The following LIPE variants were observed in gnomAD, a reference collection of about 807,000 sequenced individuals.
The protein encoded by LIPE is lipase E, hormone sensitive type.
Under a neutral mutation model 88.5 loss-of-function variants are expected in LIPE, and 66 were observed. The observed-to-expected ratio is 0.75, with a 90% CI of 0.61 to 0.91. The LOEUF (loss-of-function observed/expected upper bound fraction) is 0.91. Among genes scored for constraint, LIPE ranks in the 40% least tolerant of loss-of-function variants. LIPE has a pLI of 0.00. For synonymous variants in LIPE, 570 were observed against 617.5 expected, an observed-to-expected ratio of 0.92 and a Z score of 1.14; for missense variants, 1,346 against 1,434.7, an observed-to-expected ratio of 0.94 and a Z score of 1.00.
intron 8 of LIPE, among the ~76,000 whole-genome samples, chr19:42,404,656 A>C (rs570810325): frequency 2.6e-5 from 4 of 152,252 alleles, no homozygotes; most frequent in African/African-American, 4.8e-5. Context: ...AAGCCACCAC[A>C]CCCAGCCTTA....
chr19:42,417,768 C>A (rs1465744123), intron 1 of LIPE, among the ~76,000 whole-genome samples: 1 of 152,068 alleles, frequency 6.6e-6, no homozygotes, highest in African/African-American at 2.4e-5. Context: ...TACTTATAAT[C>A]GCAGCACTTT....
chr19:42,409,202 A>G (rs1206034), intron 2 of LIPE, among the ~76,000 whole-genome samples: 116,340 of 151,658 alleles, frequency 0.77, 46,115 homozygotes, highest in East Asian at 1. Flanking sequence ...AGGACCAGCC[A>G]GCCACCACGG....
Position 42,412,298 on chromosome 19 carries a change from C to G in LIPE, c.884-1456G>C, listed in dbSNP as rs1434905915. 4.1e-6 allele frequency: 4 copies of G among 985,518 alleles called. No homozygotes were observed. In the African/African-American group the frequency reaches 7.0e-5, roughly 17 times the overall value. 61.0% of individuals were successfully genotyped at this position (985,518 alleles called of 1,614,324 possible). A position where few individuals can be genotyped will look rare whatever the true frequency, so the allele number is the denominator to read the frequency against. On this transcript the variant is annotated intron_variant, in intron 1 of 9. Transcript: ENST00000244289. Reference sequence around the variant, plus strand: ...CCTGTTCCCCTAGAAGAAGGTATTTCCTTTCCCTTCTAGGTCCTGGGGCCT... The same window carrying G: ...CCTGTTCCCCTAGAAGAAGGTATTTGCTTTCCCTTCTAGGTCCTGGGGCCT...
At position 42,408,643 on chromosome 19, in the gene LIPE, G is replaced by C. The variant is rs1379948712; in HGVS notation, c.1420-321C>G. Among the ~76,000 whole-genome samples, 1 of 151,824 alleles carries C rather than the reference G, an allele frequency of 6.6e-6. No individual in the cohort carries two copies. Among genetic ancestry groups the C allele is most frequent in the African/African-American group, 2.4e-5 (1 of 41,350 alleles). The stretch of plus-strand genomic sequence containing the variant: ...GCTACTTAGCGGGTCTCGGAGGAGA[G>C]ATCTGACTGAAGCGAGGGGAGGGTG... On this transcript the variant is annotated intron_variant, in intron 2 of 9. Transcript: ENST00000244289. This position sits in a 1 kb window ranked among gnomAD's most constrained non-coding sequence, Gnocchi z 4.3.
Position 42,401,836 on chromosome 19 carries a change from G to T in LIPE, c.3207C>A (p.Asp1069Glu). ...PSGETGAAGV[D>E]GGCGGRH ...TTTAGTGTCGCCCCCCGCAGCCCCCGTCTACCCCCGCAGCCCCCGTCTCCC... is the reference window on the plus strand; with the variant it reads ...TTTAGTGTCGCCCCCCGCAGCCCCCTTCTACCCCCGCAGCCCCCGTCTCCC... The change falls in exon 10 of 10, where the codon GAC becomes GAA. Residue 1069 changes from aspartate (D) to glutamate (E), a missense_variant. Coordinates refer to ENST00000244289, the MANE Select transcript of LIPE (RefSeq NM_005357.4). 2 of 325,934 alleles carry T rather than the reference G, an allele frequency of 6.1e-6. No individual in the cohort carries two copies. The highest frequency in any genetic ancestry group is 5.5e-6 in the Non-Finnish European group (1 of 182,874). The allele number at this position is 325,934 out of a possible 1,614,324, so 20.2% of individuals were successfully genotyped here. A position where few individuals can be genotyped will look rare whatever the true frequency, so the allele number is the denominator to read the frequency against.
intron 1 of LIPE, among the ~76,000 whole-genome samples, chr19:42,419,953 T>C (rs1446597656): frequency 6.6e-6 from 1 of 151,992 alleles, no homozygotes; most frequent in Non-Finnish European, 1.5e-5. Flanking sequence ...GGTCTCGAAC[T>C]CCTGTGCTCA....
At chr19:42,405,900 C>T (rs1205118017) in intron 7 of LIPE, 4 of 551,378 alleles carry the variant, frequency 7.3e-6, no homozygotes, top group Non-Finnish European at 1.3e-5. Flanking sequence ...GTCAAGGCTG[C>T]AGTGAGGTGT....
Position 42,402,701 on chromosome 19 carries a change from G to A in LIPE, c.2873C>T (p.Pro958Leu). 6.5e-7 allele frequency: 1 copy of A among 1,534,152 alleles called. No homozygotes were observed. Among genetic ancestry groups the A allele is most frequent in the Non-Finnish European group, 8.8e-7 (1 of 1,137,158 alleles). Residue 958 changes from proline (P) to leucine (L), a missense_variant, in exon 9 of 10, where the codon CCC (proline) becomes CTC (leucine). Physicochemically the swap from Pro to Leu is moderately conservative, Grantham distance 98. Coordinates refer to ENST00000244289, the MANE Select transcript of LIPE (RefSeq NM_005357.4). ...CTTGACTATGGGTGAGGAGTAGAGG[G>A]GCATCTGTGTGGCACCCTGGCTGGA... is the stretch of plus-strand genomic sequence containing the variant. ...RRSSQGATQMPLYSSPIVKNP... is the reference protein window; with the variant it reads ...RRSSQGATQMLLYSSPIVKNP...
intron 1 of LIPE, among the ~76,000 whole-genome samples, chr19:42,420,885 GC>G (rs755912494): frequency 6.6e-6 from 1 of 151,854 alleles, no homozygotes; most frequent in Non-Finnish European, 1.5e-5. Flanking sequence ...GGCCTCCCAA[GC>G]CAGGTACCAT....
chr19:42,404,842 C>T (rs779356402), intron 8 of LIPE, among the ~76,000 whole-genome samples: 3 of 152,202 alleles, frequency 2.0e-5, no homozygotes, highest in Non-Finnish European at 2.9e-5. Flanking sequence ...GGAGGCAGAC[C>T]TCACCACAGC....
intron 1 of LIPE, among the ~76,000 whole-genome samples, chr19:42,416,323 A>C (rs1237536955): frequency 6.6e-6 from 1 of 152,044 alleles, no homozygotes; most frequent in Non-Finnish European, 1.5e-5. Flanking sequence ...CAGCCTGAGC[A>C]ACAAGAGTGA....
chr19:42,414,747 CATT>C lies in LIPE; in HGVS notation c.884-3908_884-3906del, dbSNP rs762441600. Among the ~76,000 whole-genome samples, 3 of 152,284 alleles carry C rather than the reference CATT, an allele frequency of 2.0e-5. No homozygotes were observed. The highest frequency in any genetic ancestry group is 1.9e-4 in the East Asian group (1 of 5,188). Reference sequence around the variant, plus strand: ...ATTTTCACAGTGTTTCACACTTTTTCATTATTATTATATTTGTTATGATGATCT... The same window carrying C: ...ATTTTCACAGTGTTTCACACTTTTTCATTATTATATTTGTTATGATGATCT... On this transcript the variant is annotated intron_variant, in intron 1 of 9. Coordinates refer to ENST00000244289, the MANE Select transcript of LIPE (RefSeq NM_005357.4). This position sits in a 1 kb window ranked among gnomAD's most constrained non-coding sequence, Gnocchi z 4.6.
chr19:42,412,604 A>G (rs2040406183), intron 1 of LIPE: 2 of 982,750 alleles, frequency 2.0e-6, no homozygotes, highest in African/African-American at 3.5e-5. Flanking sequence ...TAGTCCTGTT[A>G]CAGGCTCCTC....
At position 42,427,096 on chromosome 19, in the gene LIPE, G is replaced by C; in HGVS notation, c.54C>G (p.His18Gln). The C allele has an allele frequency of 6.2e-7, 1 of 1,613,036 alleles. No homozygotes were observed. The highest frequency in any genetic ancestry group is 8.5e-7 in the Non-Finnish European group (1 of 1,179,800). ...GCTCTAGCGGGGTTATAGGCCTCTG[G>C]TGTGGTTCAGGTTGCCAGTCTGACC... ...VSRSDWQPEP[H>Q]QRPITPLEPG... Residue 18 changes from histidine to glutamine, a missense_variant, in exon 1 of 10, where the codon CAC becomes CAG. His to Gln is a conservative substitution (Grantham distance 24). Coordinates refer to ENST00000244289, the MANE Select transcript of LIPE (RefSeq NM_005357.4).
intron 8 of LIPE, 84 bp downstream of exon 8, chr19:42,405,301 A>T: frequency 7.0e-7 from 1 of 1,421,446 alleles, no homozygotes; most frequent in Non-Finnish European, 9.5e-7. Flanking sequence ...CACCATGCCC[A>T]GCATCTTCCC....
chr19:42,415,692 C>T (rs565366830), intron 1 of LIPE, among the ~76,000 whole-genome samples: 4 of 152,132 alleles, frequency 2.6e-5, no homozygotes, highest in Non-Finnish European at 5.9e-5. Context: ...TGCCTGTAGT[C>T]CCAGCTACTA....
intron 1 of LIPE, chr19:42,423,437 G>A (rs1174527436): frequency 7.8e-7 from 1 of 1,289,316 alleles, no homozygotes; most frequent in Non-Finnish European, 1.0e-6. Context: ...TTGTCTTTTC[G>A]CCACCGCCGG....
chr19:42,402,686 G>C lies in LIPE; in HGVS notation c.2888C>G (p.Pro963Arg), dbSNP rs137885656. 368 of 1,517,160 alleles carry C rather than the reference G, an allele frequency of 2.4e-4. 1 individual carries two copies. The African/African-American group carries it at 4.6e-3, about 19-fold the overall frequency. 94.0% of individuals were successfully genotyped at this position (1,517,160 alleles called of 1,614,324 possible). Residue 963 changes from proline (P) to arginine (R), a missense_variant, in exon 9 of 10, where the codon CCC becomes CGC. Coordinates refer to ENST00000244289, the MANE Select transcript of LIPE (RefSeq NM_005357.4). ...GATQMPLYSSPIVKNPFMSPL... is the reference protein window; with the variant it reads ...GATQMPLYSSRIVKNPFMSPL... ...CGACATGAAGGGGTTCTTGACTATG[G>C]GTGAGGAGTAGAGGGGCATCTGTGT...
At chr19:42,421,350 C>A (rs1283868277) in intron 1 of LIPE, among the ~76,000 whole-genome samples, 1 of 152,210 alleles carries the variant, frequency 6.6e-6, no homozygotes, top group South Asian at 2.1e-4. Context: ...GCCCCCTGCA[C>A]AGCACTTAAC....
Sources: gnomAD v4.1 joint callset for allele counts (sites outside exome capture counted in the v4.1 genomes callset) on GRCh38, gnomAD v4.1.1 for gene constraint, Gnocchi (gnomAD v3.1) non-coding constraint, MANE v1.5 for transcripts, NCBI Gene and HGNC (gene_info 2026-07-23, HGNC 2026-07-21) for gene names.